Variants in NUMA1 observed in about 807,000 individuals in gnomAD.
NUMA1 encodes nuclear mitotic apparatus protein 1.
Under a neutral mutation model 237.1 loss-of-function variants are expected in NUMA1, and 62 were observed. The ratio of observed to expected loss-of-function variants is 0.26; its 90% confidence interval spans 0.21 to 0.32. The LOEUF is 0.32. NUMA1 is among the 10% of genes least tolerant of loss of function. NUMA1 has a pLI of 1.00. For missense variants in NUMA1, 2,533 were observed against 2,666.5 expected (o/e 0.95, Z 1.10); for synonymous variants, 1,028 against 1,066.1 (o/e 0.96, Z 0.70).
At chr11:72,040,437 C>T (rs1366866735) in intron 2 of NUMA1, among the ~76,000 whole-genome samples, 1 of 143,396 alleles carries the variant, frequency 7.0e-6, no homozygotes, top group Non-Finnish European at 1.5e-5. Flanking sequence ...TACTGGGGCG[C>T]GTACACATAC....
At position 72,059,509 on chromosome 11, in the gene NUMA1, T is replaced by C. The variant is rs1383659835; in HGVS notation, c.-33+10333A>G. ...TTCTCAAACTCCTAGGCTCAAACAA[T>C]CCGCCCACCTTGTCCTCCCAAAGTG... On this transcript the variant is annotated intron_variant, in intron 2 of 26. Coordinates refer to ENST00000393695, the MANE Select transcript of NUMA1 (RefSeq NM_006185.4). 4.6e-5 allele frequency among the ~76,000 whole-genome samples: 7 copies of C among 152,306 alleles called. No homozygotes were observed. The East Asian group carries it at 1.3e-3, about 29-fold the overall frequency.
chr11:72,005,155 T>C, intron 23 of NUMA1, 78 bp downstream of exon 23: 1 of 1,432,934 alleles, frequency 7.0e-7, no homozygotes, highest in Non-Finnish European at 9.3e-7. Flanking sequence ...AGGGCCCTAG[T>C]GCTCAGGCTA....
At position 72,024,611 on chromosome 11, in the gene NUMA1, CATAAA is replaced by C. The variant is rs1299956126; in HGVS notation, c.129-263_129-259del. The C allele has an allele frequency of 8.3e-6, 4 of 483,604 alleles. No individual in the cohort carries two copies. In the East Asian group the frequency reaches 1.5e-4, roughly 18 times the overall value. 30.0% of individuals were successfully genotyped at this position (483,604 alleles called of 1,614,324 possible). A position where few individuals can be genotyped will look rare whatever the true frequency, so the allele number is the denominator to read the frequency against. The stretch of plus-strand genomic sequence containing the variant: ...GGCACTCTGCCACCCTATTTGCAAA[CATAAA>C]AAAGCTCTGTGGAAAGGGGCCGAGA... On this transcript the variant is annotated intron_variant, in intron 4 of 26. Transcript: ENST00000393695.
chr11:72,064,574 T>C (rs976116286), intron 2 of NUMA1, among the ~76,000 whole-genome samples: 9 of 152,204 alleles, frequency 5.9e-5, no homozygotes, highest in African/African-American at 2.2e-4. Context: ...GGCATATGCC[T>C]GTAATCCCAG....
chr11:72,070,517 AAT>A (rs1429534466), intron 1 of NUMA1, among the ~76,000 whole-genome samples: 1 of 152,168 alleles, frequency 6.6e-6, no homozygotes, highest in African/African-American at 2.4e-5. Context: ...AACAGAAACA[AAT>A]TATCCAGGCA....
Position 72,009,405 on chromosome 11 carries a change from T to G in NUMA1, c.4720-18A>C, listed in dbSNP as rs371233509. 3 of 1,588,958 alleles carry G rather than the reference T, an allele frequency of 1.9e-6. No homozygotes were observed. In the African/African-American group the frequency reaches 4.0e-5, roughly 21 times the overall value. ...TGGACAGCCTGAGAAGAAAGGCCAC[T>G]CAGGAAAGCTGGTCTGGCCGCTCTA... On this transcript the variant is annotated intron_variant, in intron 17 of 26. Coordinates refer to ENST00000393695, the MANE Select transcript of NUMA1 (RefSeq NM_006185.4).
At position 72,014,006 on chromosome 11, in the gene NUMA1, G is replaced by C. The variant is rs1043726935; in HGVS notation, c.3497C>G (p.Thr1166Ser). Residue 1166 changes from threonine to serine, a missense_variant, in exon 15 of 27, where the codon ACT (threonine) becomes AGT (serine). This residue lies in a region of NUMA1 where 1,414 missense variants were observed against 1,508.1 expected (regional missense o/e 0.94). Transcript: ENST00000393695. This position sits in a 1 kb window ranked among gnomAD's most constrained non-coding sequence, Gnocchi z 4.6. ...SRAERDSALETLQGQLEEKAQ... is the reference protein window; with the variant it reads ...SRAERDSALESLQGQLEEKAQ... ...CTTCTCCTCTAACTGGCCCTGCAGA[G>C]TCTCCAGAGCACTGTCCCGCTCAGC... 6.8e-6 allele frequency: 11 copies of C among 1,612,026 alleles called. No homozygotes were observed. Among genetic ancestry groups the C allele is most frequent in the African/African-American group, 1.3e-5 (1 of 74,882 alleles).
chr11:72,004,906 A>G, intron 23 of NUMA1, 90 bp from the exon 24 acceptor site: 3 of 1,291,724 alleles, frequency 2.3e-6, no homozygotes, highest in Non-Finnish European at 3.1e-6. Context: ...CACTCGCCCG[A>G]CACTTATGGT....
At chr11:72,077,243 G>A (rs1943751512) in intron 1 of NUMA1, among the ~76,000 whole-genome samples, 1 of 152,158 alleles carries the variant, frequency 6.6e-6, no homozygotes, top group South Asian at 2.1e-4. Flanking sequence ...GAAAAGATAT[G>A]AAATTTCAGA....
intron 3 of NUMA1, among the ~76,000 whole-genome samples, chr11:72,031,806 C>T (rs913944168): frequency 6.6e-6 from 1 of 150,862 alleles, no homozygotes; most frequent in African/African-American, 2.4e-5. Context: ...GGATTGAGAC[C>T]CTGTCTCAAA....
At chr11:72,030,612 T>C (rs1355780025) in intron 3 of NUMA1, among the ~76,000 whole-genome samples, 1 of 152,226 alleles carries the variant, frequency 6.6e-6, no homozygotes, top group Non-Finnish European at 1.5e-5. Context: ...AGTTCAGAAG[T>C]AGCCTGGGCT....
chr11:72,026,158 C>T (rs187377460), intron 4 of NUMA1, among the ~76,000 whole-genome samples: 307 of 152,260 alleles, frequency 2.0e-3, no homozygotes, highest in Non-Finnish European at 3.4e-3. Flanking sequence ...CAACAGTAGT[C>T]CTAGAGAAAT....
intron 13 of NUMA1, chr11:72,017,469 G>A (rs1050501543): frequency 1.7e-6 from 1 of 585,628 alleles, no homozygotes; most frequent in Admixed American, 2.8e-5. Flanking sequence ...ATTGAAAGGT[G>A]TACTATAAAG....
chr11:72,024,659 A>C, intron 4 of NUMA1: 1 of 379,524 alleles, frequency 2.6e-6, no homozygotes, highest in Non-Finnish European at 5.0e-6. Flanking sequence ...GAGGCAGCAC[A>C]GATGAACGGG....
intron 2 of NUMA1, among the ~76,000 whole-genome samples, chr11:72,040,029 G>C (rs1387793862): frequency 2.6e-5 from 4 of 152,160 alleles, no homozygotes; most frequent in Non-Finnish European, 4.4e-5. Context: ...AAGATAAAAG[G>C]CAAGAGGACC....
Position 72,003,958 on chromosome 11 carries a change from G to A in NUMA1, c.6265C>T (p.Arg2089Cys), listed in dbSNP as rs748913888. 2.0e-5 allele frequency: 33 copies of A among 1,613,300 alleles called. No individual in the cohort carries two copies. The highest frequency in any genetic ancestry group is 3.3e-5 in the South Asian group (3 of 91,046). Residue 2089 changes from arginine (R) to cysteine (C), a missense_variant, in exon 26 of 27, where the codon CGC becomes TGC. By Grantham distance (180) the Arg-to-Cys change is radical. This residue lies in a region of NUMA1 where 795 missense variants were observed against 750.8 expected (regional missense o/e 1.06). Coordinates refer to ENST00000393695, the MANE Select transcript of NUMA1 (RefSeq NM_006185.4). ...GCGCTGGCTGTGGTGGTGGCAATGC[G>A]CGGAGAACGGCGGGTTCCACTGCGA... is the stretch of plus-strand genomic sequence containing the variant. ...NTRSGTRRSPRIATTTASAAT... is the reference protein window; with the variant it reads ...NTRSGTRRSPCIATTTASAAT...
At position 72,009,250 on chromosome 11, in the gene NUMA1, T is replaced by C. The variant is rs542169005; in HGVS notation, c.4839+18A>G. On this transcript the variant is annotated intron_variant, in intron 18 of 26. Transcript: ENST00000393695. ...AGGGCAGGAGGAAGGTGGCATGGGCTGGGGCTGGGCTCCTTACCTGCAGCT... is the reference window on the plus strand; with the variant it reads ...AGGGCAGGAGGAAGGTGGCATGGGCCGGGGCTGGGCTCCTTACCTGCAGCT... 1 of 1,608,768 alleles carries C rather than the reference T, an allele frequency of 6.2e-7. No individual in the cohort carries two copies. Among genetic ancestry groups the C allele is most frequent in the African/African-American group, 1.3e-5 (1 of 74,960 alleles).
At chr11:72,063,526 G>A (rs1481956816) in intron 2 of NUMA1, among the ~76,000 whole-genome samples, 4 of 148,834 alleles carry the variant, frequency 2.7e-5, no homozygotes, top group Non-Finnish European at 4.4e-5. Flanking sequence ...GCCTCCCAAA[G>A]TGCTGGTGCT....
intron 13 of NUMA1, 145 bp from the exon 14 acceptor site, chr11:72,016,675 C>A: frequency 9.9e-7 from 1 of 1,009,028 alleles, no homozygotes; most frequent in East Asian, 2.4e-5. Flanking sequence ...AAAGCAGAAA[C>A]CATGGAACTG....
Sources: allele counts gnomAD v4.1 joint callset (sites outside exome capture counted in the v4.1 genomes callset), GRCh38; gene constraint gnomAD v4.1.1; regional missense constraint gnomAD v4.1.1; non-coding constraint Gnocchi (gnomAD v3.1); transcripts MANE v1.5; gene names NCBI Gene and HGNC (gene_info 2026-07-23, HGNC 2026-07-21).